PPEF1: variants seen among roughly 807,000 people sequenced by gnomAD.
PPEF1 encodes serine/threonine-protein phosphatase with EF-hands 1.
In PPEF1, 12 loss-of-function variants were observed where a neutral mutation model predicts 53.3. The observed-to-expected ratio is 0.23, with a 90% CI of 0.14 to 0.36. The LOEUF (loss-of-function observed/expected upper bound fraction) is 0.36, where lower values mean the gene tolerates loss of function less well. PPEF1 is among the 10% of genes least tolerant of loss of function. The pLI, the probability that PPEF1 is intolerant of heterozygous loss-of-function variation, is 1.00. For synonymous variants in PPEF1, 165 were observed against 176.7 expected, an observed-to-expected ratio of 0.93 and a Z score of 0.52; for missense variants, 334 against 490.4, an observed-to-expected ratio of 0.68 and a Z score of 3.01.
At chrX:18,703,041 G>C (rs192956030), upstream of PPEF1, among the ~76,000 whole-genome samples, 6 of 110,987 alleles carry the variant, frequency 5.4e-5, no homozygotes, top group East Asian at 1.7e-3. Context: ...GTGGGAAATG[G>C]AAGCAGCTTA....
chrX:18,704,507 G>A (rs1198171756), upstream of PPEF1, among the ~76,000 whole-genome samples: 2 of 110,405 alleles, frequency 1.8e-5, no homozygotes, highest in African/African-American at 3.3e-5. Context: ...GGCACCTGGA[G>A]AATGTCACCA....
intron 4 of PPEF1, among the ~76,000 whole-genome samples, chrX:18,755,248 G>T (rs2045523119): frequency 9.0e-6 from 1 of 111,478 alleles, no homozygotes; most frequent in South Asian, 3.8e-4. Context: ...TTCATCTAAT[G>T]TAAAAGTGAT....
At chrX:18,744,441 G>A (rs1319085595) in intron 3 of PPEF1, among the ~76,000 whole-genome samples, 1 of 111,261 alleles carries the variant, frequency 9.0e-6, no homozygotes, top group African/African-American at 3.3e-5. Context: ...GACTCCATGG[G>A]GTGTAGAGAC....
intron 13 of PPEF1, among the ~76,000 whole-genome samples, chrX:18,821,758 CGAGAGAGAGAGAGAGAGA>C (rs754652406): frequency 1.0e-3 from 29 of 28,663 alleles, no homozygotes; most frequent in Non-Finnish European, 1.6e-3. Flanking sequence ...GAAACCATGG[CGAGAGAGAGAGAGAGAGA>C]GAGAGAGAGA....
upstream of PPEF1, among the ~76,000 whole-genome samples, chrX:18,682,969 G>T (rs1422506907): frequency 8.9e-6 from 1 of 111,758 alleles, no homozygotes; most frequent in African/African-American, 3.3e-5. Flanking sequence ...GGAGGATGAA[G>T]GAGGAGCAAA....
At chrX:18,747,791 A>G (rs2045361269) in intron 3 of PPEF1, among the ~76,000 whole-genome samples, 1 of 112,230 alleles carries the variant, frequency 8.9e-6, no homozygotes, top group Admixed American at 9.5e-5. Context: ...TATTCACTTT[A>G]TTTTTTAGAG....
chrX:18,787,022 T>A (rs1183664482), intron 9 of PPEF1, among the ~76,000 whole-genome samples: 1 of 111,360 alleles, frequency 9.0e-6, no homozygotes, highest in Non-Finnish European at 1.9e-5. Flanking sequence ...AAGATAGAAA[T>A]TCAACTTGTA....
intron 1 of PPEF1, among the ~76,000 whole-genome samples, chrX:18,711,360 G>A (rs1188571944): frequency 1.8e-5 from 2 of 110,249 alleles, no homozygotes; most frequent in African/African-American, 3.3e-5. Context: ...ATTACCTAAT[G>A]AGTACAATGT....
chrX:18,741,796 T>TTA (rs1819463412), intron 3 of PPEF1, among the ~76,000 whole-genome samples: 1 of 99,875 alleles, frequency 1.0e-5, no homozygotes, highest in African/African-American at 3.8e-5. Flanking sequence ...TTTTTTTTTT[T>TTA]AACGTTTTGT....
At chrX:18,764,935 C>A (rs1297358468) in intron 6 of PPEF1, among the ~76,000 whole-genome samples, 1 of 111,755 alleles carries the variant, frequency 8.9e-6, no homozygotes, top group African/African-American at 3.3e-5. Flanking sequence ...TTAATTCTGT[C>A]TGCAAAACTA....
intron 6 of PPEF1, among the ~76,000 whole-genome samples, chrX:18,702,532 C>G (rs1447702549): frequency 9.3e-6 from 1 of 107,403 alleles, no homozygotes. Context: ...ATCAGACCAC[C>G]TTAAGAATGA....
intron 1 of PPEF1, among the ~76,000 whole-genome samples, chrX:18,726,430 A>G (rs1602385377): frequency 9.0e-6 from 1 of 110,860 alleles, no homozygotes; most frequent in East Asian, 2.8e-4. Flanking sequence ...GGAAAGGTAC[A>G]CATAGGTTAG....
intron 1 of PPEF1, 97 bp from the exon 2 acceptor site, chrX:18,730,084 A>G: frequency 1.1e-6 from 1 of 897,836 alleles, no homozygotes. Context: ...CTAGGAATCC[A>G]GGTGGACTGC....
At chrX:18,788,236 C>T (rs920055630) in intron 9 of PPEF1, among the ~76,000 whole-genome samples, 4 of 91,482 alleles carry the variant, frequency 4.4e-5, no homozygotes, top group African/African-American at 1.7e-4. Flanking sequence ...ACCCGGGAGG[C>T]GGAGCTTGCA....
At chrX:18,729,911 G>A (rs768064414) in intron 1 of PPEF1, among the ~76,000 whole-genome samples, 12 of 112,083 alleles carry the variant, frequency 1.1e-4, no homozygotes, top group Non-Finnish European at 7.5e-5. Flanking sequence ...TAACATAGAC[G>A]GTAATTAGCA....
Position 18,818,660 on chromosome X carries a change from G to A in PPEF1, c.1501+515G>A, listed in dbSNP as rs749324364. On this transcript the variant is annotated intron_variant, in intron 13 of 15. Transcript: ENST00000470157. ...CTGGGATTACAGGCGTGAGCCACCC[G>A]GCCCTAAACCTCTATTCTGATAGTA... is the stretch of plus-strand genomic sequence containing the variant. Among the ~76,000 whole-genome samples, 6 of 111,536 alleles carry A rather than the reference G, an allele frequency of 5.4e-5. No individual in the cohort carries two copies. The East Asian group carries it at 8.5e-4, about 16-fold the overall frequency.
At chrX:18,782,855 G>A (rs1602447049) in intron 8 of PPEF1, among the ~76,000 whole-genome samples, 2 of 109,746 alleles carry the variant, frequency 1.8e-5, no homozygotes, top group South Asian at 7.9e-4. Context: ...GCTCACACCT[G>A]TAATCCCAGC....
intron 1 of PPEF1, among the ~76,000 whole-genome samples, chrX:18,717,056 T>A (rs2044473342): frequency 9.4e-6 from 1 of 105,924 alleles, no homozygotes; most frequent in Non-Finnish European, 1.9e-5. Context: ...TTCCTCTTTT[T>A]TTCCTTTTTC....
At chrX:18,824,694 C>T (rs774079281) in intron 14 of PPEF1, among the ~76,000 whole-genome samples, 20 of 109,864 alleles carry the variant, frequency 1.8e-4, no homozygotes, top group Admixed American at 1.3e-3. Flanking sequence ...GGTGGAGTCT[C>T]GCTCTGTTGC....
Sources: gnomAD v4.1 joint callset for allele counts (sites outside exome capture counted in the v4.1 genomes callset) on GRCh38, gnomAD v4.1.1 for gene constraint, MANE v1.5 for transcripts, NCBI Gene and HGNC (gene_info 2026-07-23, HGNC 2026-07-21) for gene names.